NLGN1: variants seen among roughly 807,000 people sequenced by gnomAD.
The protein encoded by NLGN1 is neuroligin-1.
In NLGN1, 12 loss-of-function variants were observed where a neutral mutation model predicts 65.5. That is an observed-to-expected ratio of 0.18 (90% CI 0.12 to 0.30). The LOEUF is 0.30. Among genes scored for constraint, NLGN1 ranks in the 10% least tolerant of loss-of-function variants. The pLI is 1.00. For missense variants in NLGN1, 750 were observed against 1,007.1 expected, an observed-to-expected ratio of 0.74 and a Z score of 3.46; for synonymous variants, 350 against 359.5, an observed-to-expected ratio of 0.97 and a Z score of 0.30.
intron 4 of NLGN1, among the ~76,000 whole-genome samples, chr3:173,994,858 G>A (rs956671398): frequency 2.0e-5 from 3 of 152,060 alleles, no homozygotes; most frequent in Non-Finnish European, 2.9e-5. Context: ...CACCAACAGC[G>A]TTCTAGAAGA....
At chr3:173,725,004 G>A (rs371257368) in intron 3 of NLGN1, among the ~76,000 whole-genome samples, 1 of 151,940 alleles carries the variant, frequency 6.6e-6, no homozygotes, top group African/African-American at 2.4e-5. Context: ...GAAACAGGAA[G>A]GGGAACATCA....
At chr3:173,458,632 A>T (rs1037354268) in intron 2 of NLGN1, among the ~76,000 whole-genome samples, 1 of 152,110 alleles carries the variant, frequency 6.6e-6, no homozygotes, top group African/African-American at 2.4e-5. Context: ...CTCTGTTTCC[A>T]GTTCCTCATC....
chr3:174,149,529 G>A (rs1448064257), intron 4 of NLGN1, among the ~76,000 whole-genome samples: 1 of 152,052 alleles, frequency 6.6e-6, no homozygotes, highest in Non-Finnish European at 1.5e-5. Context: ...TTCAATAGTT[G>A]TTAGCATGAT....
At chr3:174,257,035 A>C (rs982978918) in intron 4 of NLGN1, among the ~76,000 whole-genome samples, 2 of 152,208 alleles carry the variant, frequency 1.3e-5, no homozygotes, top group African/African-American at 4.8e-5. Flanking sequence ...AATATCCAAC[A>C]TCTCTAAGGA....
rs758414057 is a variant in NLGN1 at position 174,280,455 on chromosome 3, C to A, written c.1650-26C>A. On this transcript the variant is annotated intron_variant, in intron 6 of 6. Coordinates refer to ENST00000457714, the Ensembl canonical transcript of NLGN1. The surrounding 1 kb of genome is among the most constrained non-coding windows in gnomAD (Gnocchi z 4.9). ...AAGTAAAAAATAAAATAGCTTTATTCTCATAATTTATCTTTTCCTTCTTAG... is the reference window on the plus strand; with the variant it reads ...AAGTAAAAAATAAAATAGCTTTATTATCATAATTTATCTTTTCCTTCTTAG... 6.8e-7 allele frequency: 1 copy of A among 1,467,038 alleles called. No homozygotes were observed. Among genetic ancestry groups the A allele is most frequent in the Non-Finnish European group, 9.3e-7 (1 of 1,077,836 alleles). The allele number at this position is 1,467,038 out of a possible 1,614,324, so 90.9% of individuals were successfully genotyped here. A position where few individuals can be genotyped will look rare whatever the true frequency, so the allele number is the denominator to read the frequency against.
At chr3:174,263,088 G>A (rs1747277101) in intron 4 of NLGN1, among the ~76,000 whole-genome samples, 1 of 146,212 alleles carries the variant, frequency 6.8e-6, no homozygotes. Flanking sequence ...ATTTGCTGAG[G>A]AGAGCTTTAC....
intron 4 of NLGN1, among the ~76,000 whole-genome samples, chr3:174,091,318 C>T (rs753172546): frequency 2.0e-4 from 30 of 152,268 alleles, no homozygotes; most frequent in Middle Eastern, 3.4e-3. Flanking sequence ...AGAATGCATT[C>T]TACTCTGAGT....
At chr3:173,448,659 C>G (rs983126479) in intron 2 of NLGN1, among the ~76,000 whole-genome samples, 41 of 152,266 alleles carry the variant, frequency 2.7e-4, no homozygotes, top group Admixed American at 1.5e-3. Context: ...CTTTGTACCT[C>G]TGGTAGAATT....
intron 3 of NLGN1, among the ~76,000 whole-genome samples, chr3:173,798,958 T>C (rs1240034738): frequency 6.6e-6 from 1 of 152,018 alleles, no homozygotes; most frequent in Non-Finnish European, 1.5e-5. Context: ...GTAAATTTAG[T>C]TTGGAATTAT....
intron 4 of NLGN1, among the ~76,000 whole-genome samples, chr3:173,994,019 A>G (rs1721716630): frequency 1.3e-5 from 2 of 152,114 alleles, no homozygotes; most frequent in Non-Finnish European, 2.9e-5. Flanking sequence ...TTCCAGATCA[A>G]TCAATATAAG....
At chr3:174,171,871 G>C (rs1728601103) in intron 4 of NLGN1, among the ~76,000 whole-genome samples, 1 of 152,144 alleles carries the variant, frequency 6.6e-6, no homozygotes, top group African/African-American at 2.4e-5. Flanking sequence ...CAGCTTGGAT[G>C]ACAATAACTA....
At chr3:174,180,214 A>G (rs1730139586) in intron 4 of NLGN1, among the ~76,000 whole-genome samples, 2 of 152,264 alleles carry the variant, frequency 1.3e-5, no homozygotes, top group South Asian at 4.1e-4. Flanking sequence ...GGGAGGTGGG[A>G]GTAAAGTATC....
At chr3:173,849,607 C>G (rs1296806670) in intron 4 of NLGN1, among the ~76,000 whole-genome samples, 2 of 152,174 alleles carry the variant, frequency 1.3e-5, no homozygotes, top group Non-Finnish European at 2.9e-5. Context: ...TCTTAAAGTA[C>G]TGCTTATGCC....
At chr3:173,770,460 G>A (rs77263299) in intron 3 of NLGN1, among the ~76,000 whole-genome samples, 2,382 of 152,212 alleles carry the variant, frequency 0.016, 68 homozygotes, top group African/African-American at 0.055. Flanking sequence ...AAGTTAAAGA[G>A]TCATATGGAT....
intron 4 of NLGN1, among the ~76,000 whole-genome samples, chr3:173,918,891 G>C (rs1380676320): frequency 6.6e-6 from 1 of 151,996 alleles, no homozygotes; most frequent in East Asian, 1.9e-4. Context: ...GGTGGCTCTA[G>C]TAGAGAATCT....
intron 2 of NLGN1, among the ~76,000 whole-genome samples, chr3:173,472,815 T>C (rs1362300770): frequency 6.6e-6 from 1 of 152,144 alleles, no homozygotes; most frequent in Non-Finnish European, 1.5e-5. Context: ...AAAAAAGAAT[T>C]GTCTGTACTA....
In NLGN1 at chr3:173,529,975, T is replaced by G. The variant is rs139877156; in HGVS notation, c.-320-74304T>G. On this transcript the variant is annotated intron_variant, in intron 2 of 6. Transcript: ENST00000457714. Reference sequence around the variant, plus strand: ...GGAACACTTTCTTTTCCTTTTTTTTTTAGATAGAGTCTTACTCTGTCACCC... The same window carrying G: ...GGAACACTTTCTTTTCCTTTTTTTTGTAGATAGAGTCTTACTCTGTCACCC... 2.7e-3 allele frequency among the ~76,000 whole-genome samples: 413 copies of G among 151,904 alleles called. 5 individuals are homozygous for G. The highest frequency in any genetic ancestry group is 9.6e-3 in the African/African-American group (398 of 41,324).
chr3:173,615,189 A>C (rs1354837371), intron 3 of NLGN1, among the ~76,000 whole-genome samples: 1 of 151,988 alleles, frequency 6.6e-6, no homozygotes. Flanking sequence ...GACTATTGCA[A>C]GTGGTGCTTT....
chr3:173,620,450 T>A (rs1753811107), intron 3 of NLGN1, among the ~76,000 whole-genome samples: 1 of 152,028 alleles, frequency 6.6e-6, no homozygotes, highest in Admixed American at 6.6e-5. Context: ...TCTAATGTGG[T>A]TTCTTCACTG....
Sources: gnomAD v4.1 joint callset for allele counts (sites outside exome capture counted in the v4.1 genomes callset) on GRCh38, gnomAD v4.1.1 for gene constraint, Gnocchi (gnomAD v3.1) non-coding constraint, MANE v1.5 for transcripts, NCBI Gene and HGNC (gene_info 2026-07-23, HGNC 2026-07-21) for gene names.